SETBP1: variants seen among roughly 807,000 people sequenced by gnomAD.
The protein encoded by SETBP1 is SET-binding protein.
A neutral mutation model predicts 101.0 loss-of-function variants in SETBP1; 9 were observed. The observed-to-expected ratio is 0.09, with a 90% CI of 0.05 to 0.16. SETBP1 has a LOEUF of 0.16. SETBP1 is among the 10% of genes least tolerant of loss of function. The pLI, the probability that SETBP1 is intolerant of heterozygous loss-of-function variation, is 1.00. For synonymous variants in SETBP1, 818 were observed against 788.5 expected (o/e 1.04, Z -0.63); for missense variants, 1,858 against 2,033.8 (o/e 0.91, Z 1.66).
chr18:44,896,955 C>T (rs1000483928), intron 3 of SETBP1, among the ~76,000 whole-genome samples: 1 of 152,168 alleles, frequency 6.6e-6, no homozygotes, highest in African/African-American at 2.4e-5. Context: ...CACACACACA[C>T]AGGGTTCTAT....
chr18:44,858,203 G>A (rs184084356), intron 2 of SETBP1, among the ~76,000 whole-genome samples: 190 of 152,338 alleles, frequency 1.2e-3, no homozygotes, highest in African/African-American at 4.5e-3. Context: ...ATCTTTAGAA[G>A]CTGTGGCAGA....
chr18:44,996,282 TAC>T (rs779602213), intron 4 of SETBP1, among the ~76,000 whole-genome samples: 18 of 152,206 alleles, frequency 1.2e-4, no homozygotes, highest in Non-Finnish European at 2.4e-4. Context: ...CTCAGAGAAT[TAC>T]AGAGACTAGA....
At chr18:44,842,996 G>A (rs1370518371) in intron 2 of SETBP1, among the ~76,000 whole-genome samples, 3 of 152,260 alleles carry the variant, frequency 2.0e-5, no homozygotes, top group Admixed American at 6.5e-5. Flanking sequence ...GAAAGCCAGG[G>A]TCTGACAGCT....
intron 4 of SETBP1, among the ~76,000 whole-genome samples, chr18:45,025,907 C>G (rs716152): frequency 6.6e-6 from 1 of 152,128 alleles, no homozygotes; most frequent in East Asian, 1.9e-4. Flanking sequence ...GTGCATTTAT[C>G]TGTTTAGACA....
intron 4 of SETBP1, among the ~76,000 whole-genome samples, chr18:45,034,181 C>T (rs911990914): frequency 7.2e-5 from 11 of 152,132 alleles, no homozygotes; most frequent in Admixed American, 1.3e-4. Flanking sequence ...ACTACTACTT[C>T]GGAAGAAACA....
rs558226011 is a variant in SETBP1 at position 44,964,933 on chromosome 18, G to A, written c.4000+11593G>A. ...CTGCATGTTGTGTCATTATCCAAAC[G>A]GGGATACATTTTAAAAATAAATGCA... On this transcript the variant is annotated intron_variant, in intron 4 of 5. Transcript: ENST00000649279. Among the ~76,000 whole-genome samples, 317 of 152,230 alleles carry A rather than the reference G, an allele frequency of 2.1e-3. 3 individuals carry two copies. The highest frequency in any genetic ancestry group is 7.3e-3 in the African/African-American group (305 of 41,544).
At chr18:44,899,204 GAAAAGCCATTTT>G (rs1399830269) in intron 3 of SETBP1, among the ~76,000 whole-genome samples, 10 of 152,080 alleles carry the variant, frequency 6.6e-5, no homozygotes, top group African/African-American at 2.4e-4. Flanking sequence ...ATGATGTGTT[GAAAAGCCATTTT>G]AAATATTCTC....
intron 4 of SETBP1, among the ~76,000 whole-genome samples, chr18:44,969,398 C>A (rs375494171): frequency 6.6e-6 from 1 of 152,290 alleles, no homozygotes; most frequent in East Asian, 1.9e-4. Context: ...AACGCAGTGC[C>A]CTGTCCAACC....
intron 2 of SETBP1, among the ~76,000 whole-genome samples, chr18:44,771,006 A>C (rs1037522153): frequency 2.0e-5 from 3 of 151,854 alleles, no homozygotes; most frequent in Admixed American, 1.3e-4. Context: ...TGAGCTGCCC[A>C]CTCTAGACTA....
At chr18:44,855,908 A>ATCAGAGGC (rs776065154) in intron 2 of SETBP1, among the ~76,000 whole-genome samples, 4 of 152,148 alleles carry the variant, frequency 2.6e-5, no homozygotes, top group African/African-American at 4.8e-5. Flanking sequence ...TCATCAAAGG[A>ATCAGAGGC]TCAGAGGCTG....
At chr18:44,960,799 G>A (rs941490438) in intron 4 of SETBP1, among the ~76,000 whole-genome samples, 2 of 152,114 alleles carry the variant, frequency 1.3e-5, no homozygotes, top group Non-Finnish European at 1.5e-5. Flanking sequence ...TACTTGTTTA[G>A]GTTGTACCCA....
intron 2 of SETBP1, among the ~76,000 whole-genome samples, chr18:44,736,560 T>C (rs903757222): frequency 6.6e-6 from 1 of 152,224 alleles, no homozygotes; most frequent in Non-Finnish European, 1.5e-5. Context: ...TATTTCTCTT[T>C]TTTGTGCCAC....
chr18:45,026,601 T>G (rs1398056537), intron 4 of SETBP1, among the ~76,000 whole-genome samples: 1 of 152,226 alleles, frequency 6.6e-6, no homozygotes, highest in African/African-American at 2.4e-5. Context: ...GCATACTTGG[T>G]ACATTGTACT....
intron 2 of SETBP1, among the ~76,000 whole-genome samples, chr18:44,742,680 C>T (rs1158270516): frequency 6.6e-6 from 1 of 152,186 alleles, no homozygotes; most frequent in African/African-American, 2.4e-5. Flanking sequence ...GCATTAGCCC[C>T]AGGATGTCTG....
intron 3 of SETBP1, among the ~76,000 whole-genome samples, chr18:44,891,165 G>A (rs1045183478): frequency 6.6e-6 from 1 of 152,112 alleles, no homozygotes; most frequent in Non-Finnish European, 1.5e-5. Flanking sequence ...ATCAGATCTT[G>A]TAAGACTTAT....
At chr18:44,965,683 G>C (rs1031418552) in intron 4 of SETBP1, among the ~76,000 whole-genome samples, 1 of 152,200 alleles carries the variant, frequency 6.6e-6, no homozygotes, top group Non-Finnish European at 1.5e-5. Context: ...AAGCATCACA[G>C]AGAGTTTGCT....
At position 44,950,492 on chromosome 18, in the gene SETBP1, G is replaced by A; in HGVS notation, c.1152G>A (p.Arg384=). ...ADSAQEASPA[R]QNVSSASNPE... ...GTGCCCAAGAGGCATCACCAGCCAG[G>A]CAGAACGTGAGTTCTGCCAGTAATC... The change falls in exon 4 of 6, where the codon AGG becomes AGA. Residue 384 remains arginine (R), a synonymous_variant. Coordinates refer to ENST00000649279, the MANE Select transcript of SETBP1 (RefSeq NM_015559.3). 1 of 1,614,124 alleles carries A rather than the reference G, an allele frequency of 6.2e-7. No homozygotes were observed. Among genetic ancestry groups the A allele is most frequent in the Non-Finnish European group, 8.5e-7 (1 of 1,180,032 alleles).
At chr18:44,838,879 AGTT>A (rs763396443) in intron 2 of SETBP1, among the ~76,000 whole-genome samples, 16 of 152,102 alleles carry the variant, frequency 1.1e-4, no homozygotes, top group Non-Finnish European at 1.6e-4. Flanking sequence ...TGGAGCTGAC[AGTT>A]GTTGTGGCAT....
At chr18:44,714,094 A>G (rs1305600810) in intron 2 of SETBP1, among the ~76,000 whole-genome samples, 1 of 152,178 alleles carries the variant, frequency 6.6e-6, no homozygotes, top group Non-Finnish European at 1.5e-5. Context: ...GAAGTCTATT[A>G]TTCTCAATTA....
Sources: allele counts gnomAD v4.1 joint callset (sites outside exome capture counted in the v4.1 genomes callset), GRCh38; gene constraint gnomAD v4.1.1; transcripts MANE v1.5; gene names NCBI Gene and HGNC (gene_info 2026-07-23, HGNC 2026-07-21).